VWF: variants seen among roughly 807,000 people sequenced by gnomAD.
VWF encodes the protein Factor VIII related antigen.
A neutral mutation model predicts 308.6 loss-of-function variants in VWF; 176 were observed. The ratio of observed to expected loss-of-function variants is 0.57; its 90% CI spans 0.50 to 0.65. VWF has a LOEUF of 0.65. Among genes scored for constraint, VWF ranks in the 30% least tolerant of loss-of-function variants. The pLI is 0.00. For synonymous variants in VWF, 1,385 were observed against 1,443.4 expected, an observed-to-expected ratio of 0.96 and a Z score of 0.92; for missense variants, 3,146 against 3,648.2, an observed-to-expected ratio of 0.86 and a Z score of 3.55.
chr12:6,068,692 T>C (rs954331968), intron 10 of VWF, among the ~76,000 whole-genome samples: 2 of 152,122 alleles, frequency 1.3e-5, no homozygotes, highest in Non-Finnish European at 2.9e-5. Context: ...GGTTTCACCA[T>C]TGGCCAGGTT....
intron 6 of VWF, among the ~76,000 whole-genome samples, chr12:6,088,294 C>T (rs559943991): frequency 1.6e-4 from 24 of 151,956 alleles, no homozygotes; most frequent in East Asian, 5.8e-4. Flanking sequence ...CTGGCTAACA[C>T]GGTGAAAACC....
intron 14 of VWF, among the ~76,000 whole-genome samples, chr12:6,057,329 TGGA>T: frequency 6.7e-6 from 1 of 148,318 alleles, no homozygotes; most frequent in African/African-American, 2.5e-5. Flanking sequence ...TTTTTTTTTT[TGGA>T]GAGACACGGT....
Position 6,080,646 on chromosome 12 carries a change from T to C in VWF, c.658-5095A>G, listed in dbSNP as rs541012271. Among the ~76,000 whole-genome samples, 4 of 152,324 alleles carry C rather than the reference T, an allele frequency of 2.6e-5. No individual in the cohort carries two copies. In the South Asian group the frequency reaches 8.3e-4, roughly 32 times the overall value. ...CGAGCACTAAGACTCCAGCCCAGTCTTGCCGACAGATTCCCCAGGAAAGGC... is the reference window on the plus strand; with the variant it reads ...CGAGCACTAAGACTCCAGCCCAGTCCTGCCGACAGATTCCCCAGGAAAGGC... On this transcript the variant is annotated intron_variant, in intron 6 of 51. Coordinates refer to ENST00000261405, the MANE Select transcript of VWF (RefSeq NM_000552.5).
At chr12:6,096,618 C>T (rs1466750996) in intron 5 of VWF, among the ~76,000 whole-genome samples, 1 of 152,200 alleles carries the variant, frequency 6.6e-6, no homozygotes, top group Non-Finnish European at 1.5e-5. Context: ...AAGAATATGA[C>T]ATGGAACCTA....
intron 47 of VWF, chr12:5,953,806 G>A (rs1189887359): frequency 1.7e-6 from 1 of 597,534 alleles, no homozygotes; most frequent in Non-Finnish European, 3.0e-6. Flanking sequence ...CACTCAAGTT[G>A]TAGCAGCCAG....
chr12:6,101,626 A>T (rs1012046718), intron 5 of VWF, among the ~76,000 whole-genome samples: 2 of 152,004 alleles, frequency 1.3e-5, no homozygotes, highest in Non-Finnish European at 2.9e-5. Context: ...AATACAAAAA[A>T]TTAGCCAGGC....
intron 17 of VWF, 30 bp from the exon 18 acceptor site, chr12:6,044,481 T>C (rs778286755): frequency 1.2e-5 from 20 of 1,611,322 alleles, no homozygotes; most frequent in Admixed American, 1.7e-5. Flanking sequence ...AAGAGATGAT[T>C]AGTGAAGGAG....
intron 39 of VWF, 138 bp downstream of exon 39, chr12:5,985,425 G>T: frequency 1.0e-6 from 1 of 994,130 alleles, no homozygotes; most frequent in Non-Finnish European, 1.5e-6. Flanking sequence ...TGCAGGCTGG[G>T]CAAGGAAGCC....
At chr12:5,964,222 AC>A (rs1943356020) in intron 47 of VWF, among the ~76,000 whole-genome samples, 15 of 116,754 alleles carry the variant, frequency 1.3e-4, no homozygotes, top group African/African-American at 6.6e-4. Context: ...GTCTAAAAAT[AC>A]ATACATACAT....
At chr12:6,061,435 T>C (rs988085518) in intron 13 of VWF, among the ~76,000 whole-genome samples, 14 of 151,392 alleles carry the variant, frequency 9.2e-5, no homozygotes, top group African/African-American at 3.4e-4. Context: ...CCTTCCTGCT[T>C]TATGGTCTGT....
chr12:6,073,514 G>A, intron 8 of VWF, 105 bp downstream of exon 8: 1 of 1,525,384 alleles, frequency 6.6e-7, no homozygotes. Context: ...AAAGGCTTCT[G>A]ATTTCAGCAA....
chr12:6,000,860 C>T (rs1275988942), intron 34 of VWF, among the ~76,000 whole-genome samples: 1 of 149,714 alleles, frequency 6.7e-6, no homozygotes, highest in African/African-American at 2.5e-5. Context: ...ACATTTCCTC[C>T]AACTAAGAGA....
At chr12:6,096,129 ATGGAT>A (rs1246265276) in intron 5 of VWF, among the ~76,000 whole-genome samples, 3,569 of 152,006 alleles carry the variant, frequency 0.023, 142 homozygotes, top group African/African-American at 0.08. Context: ...GGATGGATGG[ATGGAT>A]GGATGGATGG....
At chr12:6,080,818 C>T (rs1260438154) in intron 6 of VWF, among the ~76,000 whole-genome samples, 3 of 152,210 alleles carry the variant, frequency 2.0e-5, no homozygotes, top group Non-Finnish European at 2.9e-5. Flanking sequence ...CAGACCCTTC[C>T]GCGTGTGTTC....
intron 16 of VWF, among the ~76,000 whole-genome samples, chr12:6,050,032 CTT>C (rs1052256160): frequency 1.3e-5 from 2 of 152,218 alleles, no homozygotes; most frequent in Non-Finnish European, 2.9e-5. Flanking sequence ...CCATGTACGT[CTT>C]TCTCTCCACC....
At chr12:6,074,882 T>A (rs1030882393) in intron 7 of VWF, among the ~76,000 whole-genome samples, 1 of 151,890 alleles carries the variant, frequency 6.6e-6, no homozygotes, top group Non-Finnish European at 1.5e-5. Context: ...AGGAGAGAGA[T>A]TTAATAAAAG....
intron 14 of VWF, 50 bp downstream of exon 14, chr12:6,057,799 G>A: frequency 1.9e-6 from 3 of 1,555,528 alleles, no homozygotes; most frequent in South Asian, 2.4e-5. Flanking sequence ...CACTAATGTG[G>A]AGACCTCGAG....
chr12:6,075,299 C>T lies in VWF; in HGVS notation c.874+36G>A, dbSNP rs558836821. On this transcript the variant is annotated intron_variant, in intron 7 of 51. Transcript: ENST00000261405. The surrounding 1 kb of genome is among the most constrained non-coding windows in gnomAD (Gnocchi z 4.7). The stretch of plus-strand genomic sequence containing the variant: ...CACCACCCAGGACAGACCGTTCATC[C>T]CCGGCAGGGCAGGACGGGGCAGGGG... The T allele has an allele frequency of 1.9e-6, 3 of 1,613,182 alleles. No individual in the cohort carries two copies. In the Admixed American group the frequency reaches 5.0e-5, roughly 27 times the overall value.
Position 6,013,535 on chromosome 12 carries a change from C to T in VWF, c.5566G>A (p.Asp1856Asn), listed in dbSNP as rs770964353. The T allele has an allele frequency of 6.2e-7, 1 of 1,614,014 alleles. No individual in the cohort carries two copies. Among genetic ancestry groups the T allele is most frequent in the African/African-American group, 1.3e-5 (1 of 74,916 alleles). ...SNVVKLQRIE[D>N]LPTMVTLGNS... ...CCCAAGGTGACCATGGTAGGGAGGTCTTCGATTCGCTGGAGCTTCACCACG... is the reference window on the plus strand; with the variant it reads ...CCCAAGGTGACCATGGTAGGGAGGTTTTCGATTCGCTGGAGCTTCACCACG... Residue 1856 changes from aspartate (D) to asparagine (N), a missense_variant, in exon 32 of 52, where the codon GAC becomes AAC. This residue lies in a region of VWF where 853 missense variants were observed against 1,177.8 expected (regional missense o/e 0.72). Transcript: ENST00000261405.
Sources: allele counts gnomAD v4.1 joint callset (sites outside exome capture counted in the v4.1 genomes callset), GRCh38; gene constraint gnomAD v4.1.1; regional missense constraint gnomAD v4.1.1; non-coding constraint Gnocchi (gnomAD v3.1); transcripts MANE v1.5; gene names NCBI Gene and HGNC (gene_info 2026-07-23, HGNC 2026-07-21).